ALDH5A1: variants seen among roughly 807,000 people sequenced by gnomAD.
ALDH5A1 encodes succinate-semialdehyde dehydrogenase, mitochondrial.
ALDH5A1 carries 33 observed loss-of-function variants against 54.7 expected under a neutral mutation model. The ratio of observed to expected loss-of-function variants is 0.60; its 90% CI spans 0.46 to 0.81. The LOEUF (loss-of-function observed/expected upper bound fraction) is 0.81, where lower values mean the gene tolerates loss of function less well. Ranked by LOEUF, ALDH5A1 falls within the 30% of genes least tolerant of loss-of-function variation. The probability of loss-of-function intolerance (pLI) is 0.00; values close to 1 mark genes in which losing one functional copy is unlikely to be tolerated. For synonymous variants in ALDH5A1, 294 were observed against 292.7 expected, an observed-to-expected ratio of 1.00 and a Z score of -0.05; for missense variants, 657 against 711.0, an observed-to-expected ratio of 0.92 and a Z score of 0.86.
At chr6:24,502,900 T>G (rs1324361136) in intron 2 of ALDH5A1, among the ~76,000 whole-genome samples, 1 of 151,918 alleles carries the variant, frequency 6.6e-6, no homozygotes, top group Non-Finnish European at 1.5e-5. Context: ...CTGTTTTGGT[T>G]GTTTTTTTTT....
rs539123901 is a variant in ALDH5A1, at chr6:24,520,656, G to C, written c.1014+112G>C. 2.7e-6 allele frequency: 4 copies of C among 1,480,258 alleles called. No homozygotes were observed. In the South Asian group the frequency reaches 3.6e-5, roughly 13 times the overall value. The allele number at this position is 1,480,258 out of a possible 1,614,324, so 91.7% of individuals were successfully genotyped here. ...TGAGTGTGTGTGTGTGTGCGTGTGTGTGTGTTACAAAGATCCCACCACCTC... is the reference window on the plus strand; with the variant it reads ...TGAGTGTGTGTGTGTGTGCGTGTGTCTGTGTTACAAAGATCCCACCACCTC... On this transcript the variant is annotated intron_variant, in intron 6 of 9. Coordinates refer to ENST00000357578, the MANE Select transcript of ALDH5A1 (RefSeq NM_001080.3).
At chr6:24,513,580 A>G (rs763584110) in intron 4 of ALDH5A1, among the ~76,000 whole-genome samples, 1 of 151,448 alleles carries the variant, frequency 6.6e-6, no homozygotes, top group Non-Finnish European at 1.5e-5. Context: ...CCCTGTTTTT[A>G]TCAGGGCCTC....
chr6:24,496,047 A>G (rs1367925966), intron 1 of ALDH5A1, among the ~76,000 whole-genome samples: 1 of 152,182 alleles, frequency 6.6e-6, no homozygotes, highest in Non-Finnish European at 1.5e-5. Flanking sequence ...CTAATATTAT[A>G]TTATTAAACC....
chr6:24,501,222 T>C (rs1210554455), intron 1 of ALDH5A1, among the ~76,000 whole-genome samples: 1 of 152,220 alleles, frequency 6.6e-6, no homozygotes, highest in Non-Finnish European at 1.5e-5. Context: ...AATCTTGTTA[T>C]CGAAGTGTTC....
chr6:24,515,102 CTTTTTTTTTTT>C (rs4646842), intron 4 of ALDH5A1, 54 bp from the exon 5 acceptor site: 1 of 839,026 alleles, frequency 1.2e-6, no homozygotes, highest in Non-Finnish European at 1.6e-6. Context: ...TTTCTCTTTT[CTTTTTTTTTTT>C]TTTTTTTTCA....
intron 4 of ALDH5A1, among the ~76,000 whole-genome samples, chr6:24,506,683 A>G (rs1043630178): frequency 5.9e-5 from 9 of 152,214 alleles, no homozygotes; most frequent in Admixed American, 2.0e-4. Flanking sequence ...CAATGTGCCT[A>G]TTGAAAATGG....
intron 7 of ALDH5A1, among the ~76,000 whole-genome samples, chr6:24,525,809 A>G (rs774209340): frequency 2.2e-4 from 33 of 152,242 alleles, no homozygotes; most frequent in Non-Finnish European, 3.5e-4. Context: ...GGCTACAGAA[A>G]GTAGGAATAG....
At chr6:24,520,688 C>T (rs1481937446) in intron 6 of ALDH5A1, 144 bp downstream of exon 6, 4 of 1,256,654 alleles carry the variant, frequency 3.2e-6, no homozygotes, top group South Asian at 2.6e-5. Flanking sequence ...CCTCTACTGC[C>T]TTATATCCCA....
rs531732711 is a variant in ALDH5A1 at position 24,525,504 on chromosome 6, C to G, written c.1174-2493C>G. ...CTTGAGGTCAGGAGTTTGAGACCAG[C>G]CTGACCAACACAGTGAAACCCTATC... On this transcript the variant is annotated intron_variant, in intron 7 of 9. Coordinates refer to ENST00000357578, the MANE Select transcript of ALDH5A1 (RefSeq NM_001080.3). Among the ~76,000 whole-genome samples, 6 of 151,408 alleles carry G rather than the reference C, an allele frequency of 4.0e-5. No homozygotes were observed. In the South Asian group the frequency reaches 1.3e-3, roughly 32 times the overall value.
At chr6:24,525,434 C>T (rs1759781132) in intron 7 of ALDH5A1, among the ~76,000 whole-genome samples, 1 of 151,918 alleles carries the variant, frequency 6.6e-6, no homozygotes, top group African/African-American at 2.4e-5. Flanking sequence ...CACAGTGGCT[C>T]ACGCCTATAA....
chr6:24,513,347 G>A (rs1251050247), intron 4 of ALDH5A1, among the ~76,000 whole-genome samples: 2 of 152,154 alleles, frequency 1.3e-5, no homozygotes, highest in African/African-American at 4.8e-5. Flanking sequence ...TTACAAGCAT[G>A]AGCCACCACA....
In ALDH5A1 at chr6:24,533,743, G is replaced by A. The variant is rs1187488804; in HGVS notation, c.*31G>A. The stretch of plus-strand genomic sequence containing the variant: ...TTTGGTTCTTTAAAAAAATTTAAAA[G>A]GAGACTTATCTACATATATAGGTAC... On this transcript the variant is annotated 3_prime_UTR_variant, in exon 10 of 10. Transcript: ENST00000357578. The A allele has an allele frequency of 3.1e-6, 5 of 1,593,790 alleles. No individual in the cohort carries two copies. The highest frequency in any genetic ancestry group is 4.3e-6 in the Non-Finnish European group (5 of 1,162,630).
chr6:24,534,933 C>T lies in ALDH5A1; in HGVS notation c.*1221C>T, dbSNP rs376290382. 43 of 152,348 alleles carry T rather than the reference C, an allele frequency of 2.8e-4. No individual in the cohort carries two copies. Among genetic ancestry groups the T allele is most frequent in the African/African-American group, 9.1e-4 (38 of 41,578 alleles). The allele number at this position is 152,348 out of a possible 1,614,324, so 9.4% of individuals were successfully genotyped here. A position where few individuals can be genotyped will look rare whatever the true frequency, so the allele number is the denominator to read the frequency against. ...GGCATGAGCCCTTGAATTTCAGGCA[C>T]CTTTTATCTAATGAGAGTTTTTACA... On this transcript the variant is annotated 3_prime_UTR_variant, in exon 10 of 10. Transcript: ENST00000357578.
At chr6:24,501,904 TGTGTGTGTGG>T (rs1290615485) in intron 1 of ALDH5A1, among the ~76,000 whole-genome samples, 8 of 147,684 alleles carry the variant, frequency 5.4e-5, no homozygotes, top group Non-Finnish European at 8.9e-5. Context: ...TATGTGTGTG[TGTGTGTGTGG>T]GTGTATATAT....
At chr6:24,497,166 A>AC (rs1421716354) in intron 1 of ALDH5A1, among the ~76,000 whole-genome samples, 1 of 152,056 alleles carries the variant, frequency 6.6e-6, no homozygotes, top group African/African-American at 2.4e-5. Context: ...GCGGAAGGGG[A>AC]CCCGAGTGGG....
chr6:24,499,711 G>A (rs1764783791), intron 1 of ALDH5A1, among the ~76,000 whole-genome samples: 1 of 97,462 alleles, frequency 1.0e-5, no homozygotes, highest in Non-Finnish European at 2.2e-5. Context: ...CTGTCACCCG[G>A]GCTGGAGTGC....
chr6:24,522,246 G>C (rs1242902309), intron 6 of ALDH5A1, among the ~76,000 whole-genome samples: 1 of 152,080 alleles, frequency 6.6e-6, no homozygotes, highest in Non-Finnish European at 1.5e-5. Flanking sequence ...GGAGGTCAAG[G>C]CTGCAGTGAA....
In ALDH5A1 at chr6:24,509,082, T is replaced by C. The variant is rs1759413882; in HGVS notation, c.726+4097T>C. ...TCTGTGGGTTGTCTGTTTACTCTGC[T>C]GACTGTTCCTTTTGCCATGCAAAAG... On this transcript the variant is annotated intron_variant, in intron 4 of 9. Transcript: ENST00000357578. The surrounding 1 kb of genome is among the most constrained non-coding windows in gnomAD (Gnocchi z 4.7). 2.0e-5 allele frequency among the ~76,000 whole-genome samples: 3 copies of C among 151,686 alleles called. No homozygotes were observed. In the South Asian group the frequency reaches 6.3e-4, roughly 32 times the overall value.
chr6:24,508,390 AT>A (rs56009318), intron 4 of ALDH5A1, among the ~76,000 whole-genome samples: 41,184 of 76,654 alleles, frequency 0.54, 11,656 homozygotes, highest in Non-Finnish European at 0.64. Flanking sequence ...AAAAAAAAAG[AT>A]TAATAGTCTC....
Sources: gnomAD v4.1 joint callset for allele counts (sites outside exome capture counted in the v4.1 genomes callset) on GRCh38, gnomAD v4.1.1 for gene constraint, Gnocchi (gnomAD v3.1) non-coding constraint, MANE v1.5 for transcripts, NCBI Gene and HGNC (gene_info 2026-07-23, HGNC 2026-07-21) for gene names.